PREP: variants seen among roughly 807,000 people sequenced by gnomAD.
PREP encodes prolyl endopeptidase.
A neutral mutation model predicts 87.6 loss-of-function variants in PREP; 29 were observed. The observed-to-expected ratio is 0.33, with a 90% CI of 0.25 to 0.45. PREP has a LOEUF of 0.45. Among genes scored for constraint, PREP ranks in the 20% least tolerant of loss-of-function variants. The pLI is 1.00. For missense variants in PREP, 695 were observed against 886.5 expected, an observed-to-expected ratio of 0.78 and a Z score of 2.74; for synonymous variants, 337 against 328.6, an observed-to-expected ratio of 1.03 and a Z score of -0.28.
intron 9 of PREP, among the ~76,000 whole-genome samples, chr6:105,327,551 C>CT (rs1771199338): frequency 6.6e-6 from 1 of 152,128 alleles, no homozygotes; most frequent in Non-Finnish European, 1.5e-5. Context: ...TATAAGATTC[C>CT]TTATGGATTG....
chr6:105,303,223 T>C (rs1458124038), intron 10 of PREP, among the ~76,000 whole-genome samples: 1 of 152,104 alleles, frequency 6.6e-6, no homozygotes, highest in Non-Finnish European at 1.5e-5. Flanking sequence ...CACCACCACA[T>C]GCAGCTAATT....
chr6:105,306,256 T>C (rs1248439953), intron 10 of PREP, among the ~76,000 whole-genome samples: 3 of 152,222 alleles, frequency 2.0e-5, no homozygotes, highest in South Asian at 2.1e-4. Context: ...TTACTGATGA[T>C]AGACGGCATT....
rs747422563 is a variant in PREP, at chr6:105,278,484, G to A, written c.1839-46C>T. ...TGTGAGGCTGGAGAGCAACAGTAGA[G>A]TTTTATGGCACAGGGACCTAGGTAG... On this transcript the variant is annotated intron_variant, in intron 14 of 14. Transcript: ENST00000652536. The surrounding 1 kb of genome is among the most constrained non-coding windows in gnomAD (Gnocchi z 4.2). 6.4e-7 allele frequency: 1 copy of A among 1,553,832 alleles called. No homozygotes were observed. Among genetic ancestry groups the A allele is most frequent in the African/African-American group, 1.4e-5 (1 of 73,938 alleles).
intron 10 of PREP, among the ~76,000 whole-genome samples, chr6:105,316,056 A>C (rs941711487): frequency 2.6e-5 from 4 of 152,088 alleles, no homozygotes; most frequent in African/African-American, 7.2e-5. Flanking sequence ...AGCACTTTTT[A>C]TTTCTTTCAA....
Position 105,325,942 on chromosome 6 carries a change from G to C in PREP, c.1214-2174C>G, listed in dbSNP as rs577120549. On this transcript the variant is annotated intron_variant, in intron 9 of 14. Transcript: ENST00000652536. The stretch of plus-strand genomic sequence containing the variant: ...AGGGAGATCAGTTGGTATGTTCCCA[G>C]TGTAATCTGAAATAAATGTAAGGAG... Among the ~76,000 whole-genome samples the C allele has an allele frequency of 2.0e-5, 3 of 152,280 alleles. 1 individual carries two copies. In the South Asian group the frequency reaches 6.2e-4, roughly 32 times the overall value.
intron 10 of PREP, among the ~76,000 whole-genome samples, chr6:105,319,094 T>G (rs1197306811): frequency 1.3e-5 from 2 of 152,232 alleles, no homozygotes. Context: ...CCAAAGATTC[T>G]TCTTACTTTA....
chr6:105,382,534 A>G (rs1404592080), intron 2 of PREP, among the ~76,000 whole-genome samples: 1 of 152,244 alleles, frequency 6.6e-6, no homozygotes, highest in Non-Finnish European at 1.5e-5. Flanking sequence ...GTTCACTTAA[A>G]AAAAACTCAT....
At chr6:105,380,150 A>C (rs555354972) in intron 2 of PREP, among the ~76,000 whole-genome samples, 52 of 152,346 alleles carry the variant, frequency 3.4e-4, no homozygotes, top group African/African-American at 1.3e-3. Context: ...AGGGCACCTA[A>C]TTAAGCAGGG....
At chr6:105,394,842 C>A (rs894101016) in intron 2 of PREP, among the ~76,000 whole-genome samples, 11 of 152,070 alleles carry the variant, frequency 7.2e-5, no homozygotes, top group African/African-American at 2.7e-4. Flanking sequence ...TTGATAGCAA[C>A]GACAAAAAGC....
Position 105,306,370 on chromosome 6 carries a change from G to C in PREP, c.1317+17295C>G, listed in dbSNP as rs969287009. The stretch of plus-strand genomic sequence containing the variant: ...TGGAGTGCAAGAACGTTCATTCAGC[G>C]CATTTCCAGTAATATTTCTACTACC... On this transcript the variant is annotated intron_variant, in intron 10 of 14. Transcript: ENST00000652536. Among the ~76,000 whole-genome samples, 3 of 152,202 alleles carry C rather than the reference G, an allele frequency of 2.0e-5. No homozygotes were observed. In the South Asian group the frequency reaches 6.2e-4, roughly 32 times the overall value.
At position 105,285,851 on chromosome 6, in the gene PREP, C is replaced by A. The variant is rs74456355; in HGVS notation, c.1455-271G>T. Among the ~76,000 whole-genome samples, 7 of 152,322 alleles carry A rather than the reference C, an allele frequency of 4.6e-5. No homozygotes were observed. The East Asian group carries it at 1.4e-3, about 29-fold the overall frequency. ...AGTGCAGTGACACAATCATGGCTCA[C>A]TGCAACCTCCACCTTCCGGGCTCAA... On this transcript the variant is annotated intron_variant, in intron 11 of 14. Coordinates refer to ENST00000652536, the MANE Select transcript of PREP (RefSeq NM_002726.5).
At chr6:105,382,423 CT>C (rs777505687) in intron 2 of PREP, among the ~76,000 whole-genome samples, 18 of 152,208 alleles carry the variant, frequency 1.2e-4, no homozygotes, top group Non-Finnish European at 2.1e-4. Flanking sequence ...CAATTTTCAC[CT>C]GTCAATTTGA....
rs377710925 is a variant in PREP at position 105,382,334 on chromosome 6, CAT to C, written c.121-4817_121-4816del. On this transcript the variant is annotated intron_variant, in intron 2 of 14. Coordinates refer to ENST00000652536, the MANE Select transcript of PREP (RefSeq NM_002726.5). Reference sequence around the variant, plus strand: ...ACACAAAGTATGTGAGGTAATTACACATATGTTAAATAGCTTGATTTAGCCAT... The same window carrying C: ...ACACAAAGTATGTGAGGTAATTACACATGTTAAATAGCTTGATTTAGCCAT... Among the ~76,000 whole-genome samples, 190 of 150,568 alleles carry C rather than the reference CAT, an allele frequency of 1.3e-3. 3 individuals are homozygous for C. The highest frequency in any genetic ancestry group is 4.3e-3 in the African/African-American group (178 of 40,944).
In PREP at chr6:105,376,122, T is replaced by C. The variant is rs573909893; in HGVS notation, c.385+3A>G. The C allele has an allele frequency of 1.2e-6, 2 of 1,612,812 alleles. No homozygotes were observed. Among genetic ancestry groups the C allele is most frequent in the Non-Finnish European group, 1.7e-6 (2 of 1,179,418 alleles). ...TCCACGGGCCTCTCTGTGTAGCACT[T>C]ACCTCGGAGTGCCACTGTGCCATCG... On this transcript the variant is annotated splice_donor_region_variant and intron_variant, in intron 4 of 14. Transcript: ENST00000652536.
chr6:105,321,044 G>A (rs1490446026), intron 10 of PREP, among the ~76,000 whole-genome samples: 1 of 152,192 alleles, frequency 6.6e-6, no homozygotes, highest in East Asian at 1.9e-4. Flanking sequence ...AGCCATACAA[G>A]TCAATGATGT....
At chr6:105,351,775 C>T (rs1312564134) in intron 7 of PREP, among the ~76,000 whole-genome samples, 3 of 152,164 alleles carry the variant, frequency 2.0e-5, no homozygotes, top group Admixed American at 1.3e-4. Flanking sequence ...CAAACAATTC[C>T]TGGATGGTGG....
At chr6:105,303,364 C>T (rs868786831) in intron 10 of PREP, among the ~76,000 whole-genome samples, 1 of 152,132 alleles carries the variant, frequency 6.6e-6, no homozygotes, top group Non-Finnish European at 1.5e-5. Flanking sequence ...CCAAAGTCCA[C>T]GTTTTAGACC....
intron 6 of PREP, among the ~76,000 whole-genome samples, chr6:105,355,553 C>T (rs769507539): frequency 2.6e-5 from 4 of 152,140 alleles, no homozygotes; most frequent in Non-Finnish European, 4.4e-5. Context: ...GCTTTCTGAA[C>T]GTTGATTATT....
chr6:105,372,807 T>A (rs559691866), intron 5 of PREP, among the ~76,000 whole-genome samples: 1 of 152,342 alleles, frequency 6.6e-6, no homozygotes, highest in East Asian at 1.9e-4. Context: ...AACACATCTA[T>A]AAGGGACTGA....
Sources: allele counts gnomAD v4.1 joint callset (sites outside exome capture counted in the v4.1 genomes callset), GRCh38; gene constraint gnomAD v4.1.1; non-coding constraint Gnocchi (gnomAD v3.1); transcripts MANE v1.5; gene names NCBI Gene and HGNC (gene_info 2026-07-23, HGNC 2026-07-21).